Variants in EPHB1 observed in about 807,000 individuals in gnomAD.
EPHB1 encodes ephrin type-B receptor 1.
EPHB1 carries 30 observed loss-of-function variants against 94.4 expected under a neutral mutation model. The ratio of observed to expected loss-of-function variants is 0.32; its 90% confidence interval spans 0.24 to 0.43. The LOEUF (loss-of-function observed/expected upper bound fraction) is 0.43, where lower values mean the gene tolerates loss of function less well. Among genes scored for constraint, EPHB1 ranks in the 20% least tolerant of loss-of-function variants. The pLI, the probability that EPHB1 is intolerant of heterozygous loss-of-function variation, is 1.00. For synonymous variants in EPHB1, 522 were observed against 489.1 expected (o/e 1.07, Z -0.89); for missense variants, 1,055 against 1,308.3 (o/e 0.81, Z 2.99).
At chr3:134,811,242 G>GTTTTTTTTTT (rs397966930) in intron 1 of EPHB1, among the ~76,000 whole-genome samples, 5,644 of 73,500 alleles carry the variant, frequency 0.077, 1,322 homozygotes, top group Non-Finnish European at 0.12. Context: ...TACTAAGAAG[G>GTTTTTTTTTT]TTTTTTTTTT....
chr3:134,968,976 T>C (rs952423576), intron 3 of EPHB1, among the ~76,000 whole-genome samples: 1 of 152,348 alleles, frequency 6.6e-6, no homozygotes, highest in East Asian at 1.9e-4. Context: ...AGAGTGTGGA[T>C]TGTTTCCAAT....
At chr3:135,158,802 G>A (rs1275684789) in intron 6 of EPHB1, among the ~76,000 whole-genome samples, 1 of 152,056 alleles carries the variant, frequency 6.6e-6, no homozygotes, top group Admixed American at 6.5e-5. Flanking sequence ...CATAGGAGGA[G>A]CATCTACATC....
At chr3:134,854,571 CCA>C (rs2108301093) in intron 1 of EPHB1, among the ~76,000 whole-genome samples, 1 of 152,238 alleles carries the variant, frequency 6.6e-6, no homozygotes, top group African/African-American at 2.4e-5. Flanking sequence ...AGTGTCCTCT[CCA>C]TGGGGCCCCA....
At chr3:134,850,984 AG>A (rs2036970849) in intron 1 of EPHB1, among the ~76,000 whole-genome samples, 1 of 152,256 alleles carries the variant, frequency 6.6e-6, no homozygotes, top group South Asian at 2.1e-4. Flanking sequence ...GGCCTTGGCC[AG>A]GGCCTGGACC....
intron 1 of EPHB1, among the ~76,000 whole-genome samples, chr3:134,904,034 G>C (rs1030148813): frequency 2.4e-4 from 36 of 152,212 alleles, no homozygotes; most frequent in African/African-American, 8.4e-4. Flanking sequence ...GCCTTTTCAG[G>C]AGGGTGTGTC....
intron 1 of EPHB1, among the ~76,000 whole-genome samples, chr3:134,882,067 A>G (rs2108311820): frequency 6.6e-6 from 1 of 152,364 alleles, no homozygotes; most frequent in East Asian, 1.9e-4. Flanking sequence ...TAATTTCAGG[A>G]AAAAAGATGG....
chr3:134,869,835 T>C (rs998344002), intron 1 of EPHB1, among the ~76,000 whole-genome samples: 5 of 152,236 alleles, frequency 3.3e-5, no homozygotes, highest in African/African-American at 1.2e-4. Flanking sequence ...TTTACATTCA[T>C]GCTTTATTGG....
intron 1 of EPHB1, among the ~76,000 whole-genome samples, chr3:134,877,023 G>A (rs746045397): frequency 6.6e-6 from 1 of 152,164 alleles, no homozygotes; most frequent in Non-Finnish European, 1.5e-5. Context: ...ACCCCATGGG[G>A]CCTTGGTACC....
At chr3:135,222,114 T>C (rs191445984) in intron 12 of EPHB1, among the ~76,000 whole-genome samples, 73 of 151,250 alleles carry the variant, frequency 4.8e-4, no homozygotes, top group Admixed American at 3.6e-3. Flanking sequence ...TCCTAACATA[T>C]TATTGTAGTA....
intron 15 of EPHB1, among the ~76,000 whole-genome samples, chr3:135,257,969 C>T (rs1291062201): frequency 3.9e-5 from 6 of 152,236 alleles, no homozygotes; most frequent in Admixed American, 2.6e-4. Flanking sequence ...GGGAGTGACC[C>T]GATTTTCCAG....
chr3:135,162,386 C>G (rs1472071990), intron 7 of EPHB1, among the ~76,000 whole-genome samples: 1 of 152,182 alleles, frequency 6.6e-6, no homozygotes, highest in Non-Finnish European at 1.5e-5. Context: ...TTGGATTTGC[C>G]TCTGAAGGGT....
intron 2 of EPHB1, among the ~76,000 whole-genome samples, chr3:134,928,216 C>A (rs1191176852): frequency 6.6e-6 from 1 of 152,220 alleles, no homozygotes; most frequent in Non-Finnish European, 1.5e-5. Flanking sequence ...TGATTCTTGA[C>A]TTCTCCTTTT....
At chr3:134,983,916 G>A (rs1033424196) in intron 3 of EPHB1, among the ~76,000 whole-genome samples, 6 of 152,134 alleles carry the variant, frequency 3.9e-5, no homozygotes, top group Non-Finnish European at 7.4e-5. Flanking sequence ...TTTGGTCCCC[G>A]CAATTCATCT....
chr3:135,009,305 G>T (rs73864225), intron 3 of EPHB1, among the ~76,000 whole-genome samples: 1 of 152,112 alleles, frequency 6.6e-6, no homozygotes, highest in Non-Finnish European at 1.5e-5. Flanking sequence ...TTTTACTAAC[G>T]TTCCCTGGGT....
At chr3:135,256,247 T>C (rs988483551) in intron 15 of EPHB1, among the ~76,000 whole-genome samples, 2 of 152,230 alleles carry the variant, frequency 1.3e-5, no homozygotes, top group Non-Finnish European at 2.9e-5. Context: ...ATGTGTGAAT[T>C]TGATTCTGTC....
At chr3:135,118,116 G>A (rs560442480) in intron 4 of EPHB1, among the ~76,000 whole-genome samples, 3 of 152,328 alleles carry the variant, frequency 2.0e-5, no homozygotes, top group East Asian at 1.9e-4. Context: ...CCCTGTAAGT[G>A]AAAGGCAGGC....
intron 3 of EPHB1, among the ~76,000 whole-genome samples, chr3:134,965,805 A>G (rs373351788): frequency 6.6e-6 from 1 of 151,958 alleles, no homozygotes; most frequent in Non-Finnish European, 1.5e-5. Flanking sequence ...CCGATTGACT[A>G]CTCAGAGAGC....
At chr3:135,148,812 T>C (rs77767316) in intron 5 of EPHB1, among the ~76,000 whole-genome samples, 5,630 of 152,344 alleles carry the variant, frequency 0.037, 191 homozygotes, top group South Asian at 0.19. Flanking sequence ...TCACTCAGCC[T>C]GCCTTTGTTT....
intron 1 of EPHB1, among the ~76,000 whole-genome samples, chr3:134,831,844 C>T (rs1194920643): frequency 6.6e-6 from 1 of 152,150 alleles, no homozygotes; most frequent in Non-Finnish European, 1.5e-5. Context: ...TTGGTTCAAC[C>T]CTATTGAGGG....
Sources: gnomAD v4.1 joint callset for allele counts (sites outside exome capture counted in the v4.1 genomes callset) on GRCh38, gnomAD v4.1.1 for gene constraint, MANE v1.5 for transcripts, NCBI Gene and HGNC (gene_info 2026-07-23, HGNC 2026-07-21) for gene names.